Variants in LRRC37A observed in about 807,000 individuals in gnomAD.
The protein encoded by LRRC37A is leucine rich repeat containing 37A.
Under a neutral mutation model 35.4 loss-of-function variants are expected in LRRC37A, and 3 were observed. The observed-to-expected ratio is 0.08, with a 90% CI of 0.04 to 0.22. The LOEUF is 0.22. Ranked by LOEUF, LRRC37A falls within the 10% of genes least tolerant of loss-of-function variation. The pLI, the probability that LRRC37A is intolerant of heterozygous loss-of-function variation, is 1.00. For synonymous variants in LRRC37A, 23 were observed against 215.0 expected, an observed-to-expected ratio of 0.11 and a Z score of 7.81; for missense variants, 67 against 565.3, an observed-to-expected ratio of 0.12 and a Z score of 8.94.
At chr17:46,272,422 T>TA in the LRRC37A span, among the ~76,000 whole-genome samples, 1 of 115,874 alleles carries the variant, frequency 8.6e-6, no homozygotes, top group South Asian at 2.4e-4. Context: ...CTTTCTTTTT[T>TA]ATTTTTTTTG....
At chr17:46,264,180 T>C in the LRRC37A span, among the ~76,000 whole-genome samples, 1 of 143,970 alleles carries the variant, frequency 6.9e-6, no homozygotes, top group African/African-American at 2.6e-5. Context: ...ACCAGGCTGG[T>C]CTTGAATTCT....
the LRRC37A span, among the ~76,000 whole-genome samples, chr17:46,265,246 T>TTTG: frequency 7.2e-6 from 1 of 138,924 alleles, no homozygotes; most frequent in African/African-American, 2.8e-5. Flanking sequence ...ACAAATTTCC[T>TTTG]TTCTTCTTCT....
the LRRC37A span, among the ~76,000 whole-genome samples, chr17:46,254,601 G>A: frequency 2.6e-5 from 4 of 151,508 alleles, no homozygotes; most frequent in Admixed American, 2.6e-4. Context: ...GAGTGCAGTG[G>A]CGCGGTCTTG....
chr17:46,251,857 C>G, the LRRC37A span, among the ~76,000 whole-genome samples: 1 of 151,902 alleles, frequency 6.6e-6, no homozygotes, highest in Non-Finnish European at 1.5e-5. Context: ...GAGGCCCTTG[C>G]TGAGCTTAGG....
chr17:46,333,252 C>T (rs1342609953), intron 10 of LRRC37A, among the ~76,000 whole-genome samples: 3 of 62,454 alleles, frequency 4.8e-5, no homozygotes, highest in African/African-American at 9.7e-5. Flanking sequence ...ATACTCTAGC[C>T]CTCCTGAGCC....
the LRRC37A span, among the ~76,000 whole-genome samples, chr17:46,257,370 C>G: frequency 6.7e-6 from 1 of 150,122 alleles, no homozygotes; most frequent in Non-Finnish European, 1.5e-5. Flanking sequence ...ATTGCTTGAA[C>G]TAAACCTGGG....
the LRRC37A span, chr17:46,267,356 T>C: frequency 6.3e-7 from 1 of 1,577,110 alleles, no homozygotes; most frequent in Non-Finnish European, 8.6e-7. Flanking sequence ...GTGGACGTGC[T>C]GGGCGCGGGC....
chr17:46,330,940 G>C lies in LRRC37A; in HGVS notation c.3663G>C (p.Gln1221His), dbSNP rs1303515175. 4.7e-5 allele frequency: 34 copies of C among 725,604 alleles called. No individual in the cohort carries two copies. The Admixed American group carries it at 9.9e-4, about 21-fold the overall frequency. The allele number at this position is 725,604 out of a possible 1,614,324, so 44.9% of individuals were successfully genotyped here. Residue 1221 changes from glutamine to histidine, a missense_variant, in exon 9 of 14, where the codon CAG (glutamine) becomes CAC (histidine). Gln to His is a conservative substitution (Grantham distance 24). Coordinates refer to ENST00000320254, the Ensembl canonical transcript of LRRC37A. ...AGGTGGAACAGCCCCACACACAGCAGGGGCCTGAGAAGTTAGCGGGAAACG... is the reference window on the plus strand; with the variant it reads ...AGGTGGAACAGCCCCACACACAGCACGGGCCTGAGAAGTTAGCGGGAAACG...
chr17:46,251,479 A>G, the LRRC37A span, among the ~76,000 whole-genome samples: 3 of 151,932 alleles, frequency 2.0e-5, no homozygotes, highest in African/African-American at 7.3e-5. Flanking sequence ...GCTGGTCTCA[A>G]ACTCCCAACC....
At chr17:46,337,692 C>CGGA (rs1284058321) in exon 14 of LRRC37A, 3 of 612,540 alleles carry the variant, frequency 4.9e-6, no homozygotes, top group Non-Finnish European at 7.1e-6. Flanking sequence ...GAAGCCCCAA[C>CGGA]GGAGGAGGAG....
At chr17:46,257,854 G>A in the LRRC37A span, among the ~76,000 whole-genome samples, 1 of 151,952 alleles carries the variant, frequency 6.6e-6, no homozygotes, top group Non-Finnish European at 1.5e-5. Context: ...ACATTTAGCA[G>A]CTTAAAACAA....
intron 5 of LRRC37A, among the ~76,000 whole-genome samples, chr17:46,317,114 A>G (rs1186360715): frequency 2.3e-5 from 2 of 87,330 alleles, no homozygotes; most frequent in African/African-American, 3.0e-5. Context: ...CCCGTTCTCA[A>G]TGAGCTGTTG....
At chr17:46,273,094 A>G in the LRRC37A span, among the ~76,000 whole-genome samples, 18,477 of 152,230 alleles carry the variant, frequency 0.12, no homozygotes, top group Non-Finnish European at 0.18. Flanking sequence ...ACAGGTAGGA[A>G]AGTTCTTGCT....
chr17:46,257,766 G>C, the LRRC37A span, among the ~76,000 whole-genome samples: 1 of 151,134 alleles, frequency 6.6e-6, no homozygotes, highest in Non-Finnish European at 1.5e-5. Context: ...AGGCTGCAAT[G>C]AGCCATGATC....
intron 7 of LRRC37A, among the ~76,000 whole-genome samples, chr17:46,327,204 C>G (rs2051784458): frequency 1.2e-5 from 1 of 80,380 alleles, no homozygotes; most frequent in Non-Finnish European, 3.5e-5. Flanking sequence ...GGTGATGTAT[C>G]CTTCCTGCCT....
the LRRC37A span, among the ~76,000 whole-genome samples, chr17:46,264,567 C>T: frequency 1.3e-5 from 2 of 152,220 alleles, no homozygotes; most frequent in East Asian, 1.9e-4. Context: ...CCCAGGCTGA[C>T]GTGAGTTGCA....
chr17:46,285,241 C>CTT, the LRRC37A span, among the ~76,000 whole-genome samples: 76 of 138,398 alleles, frequency 5.5e-4, no homozygotes, highest in Non-Finnish European at 8.4e-4. Context: ...CTTTTCTTTC[C>CTT]TTTTTTTTTT....
chr17:46,277,539 G>A, the LRRC37A span, among the ~76,000 whole-genome samples: 4 of 152,164 alleles, frequency 2.6e-5, no homozygotes, highest in African/African-American at 4.8e-5. Context: ...ATGAGAAGTT[G>A]TGCTCCTCTG....
chr17:46,274,651 T>C, the LRRC37A span: 1 of 152,706 alleles, frequency 6.5e-6, no homozygotes, highest in Non-Finnish European at 1.5e-5. Context: ...GCATCTTTTT[T>C]GCAACAATAA....
Sources: allele counts gnomAD v4.1 joint callset (sites outside exome capture counted in the v4.1 genomes callset), GRCh38; gene constraint gnomAD v4.1.1; transcripts MANE v1.5; gene names NCBI Gene and HGNC (gene_info 2026-07-23, HGNC 2026-07-21).